The following SRGAP3 variants were observed in gnomAD, a reference collection of about 807,000 sequenced individuals.
SRGAP3 encodes SLIT-ROBO Rho GTPase-activating protein 3.
SRGAP3 carries 39 observed loss-of-function variants against 121.1 expected under a neutral mutation model. That is an observed-to-expected ratio of 0.32 (90% CI 0.25 to 0.42). The LOEUF (loss-of-function observed/expected upper bound fraction) is 0.42, where lower values mean the gene tolerates loss of function less well. Ranked by LOEUF, SRGAP3 falls within the 10% of genes least tolerant of loss-of-function variation. The pLI, the probability that SRGAP3 is intolerant of heterozygous loss-of-function variation, is 1.00. For synonymous variants in SRGAP3, 601 were observed against 570.0 expected (o/e 1.05, Z -0.77); for missense variants, 1,213 against 1,470.6 (o/e 0.82, Z 2.86).
intron 1 of SRGAP3, chr3:9,349,229 T>G (rs1021371001): frequency 1.6e-6 from 1 of 620,664 alleles, no homozygotes; most frequent in Non-Finnish European, 3.0e-6. Flanking sequence ...AGGAGCACCC[T>G]CCCTGCCCAT....
chr3:9,043,765 T>C (rs73146024), intron 10 of SRGAP3, among the ~76,000 whole-genome samples: 8,153 of 152,240 alleles, frequency 0.054, 759 homozygotes, highest in African/African-American at 0.19. Flanking sequence ...CTGGTGGCCA[T>C]TTTGCTCTGT....
intron 2 of SRGAP3, among the ~76,000 whole-genome samples, chr3:9,115,097 A>AGTT (rs1428972360): frequency 1.3e-5 from 2 of 152,084 alleles, no homozygotes; most frequent in African/African-American, 2.4e-5. Flanking sequence ...AAACTGGGTC[A>AGTT]GTTCTTTCAC....
chr3:9,342,926 G>A (rs1297613630), intron 1 of SRGAP3, among the ~76,000 whole-genome samples: 1 of 152,216 alleles, frequency 6.6e-6, no homozygotes, highest in Non-Finnish European at 1.5e-5. Flanking sequence ...CCTCGAACTT[G>A]TCCAACTGGT....
At chr3:8,992,033 C>G (rs989643025) in intron 20 of SRGAP3, among the ~76,000 whole-genome samples, 7 of 152,208 alleles carry the variant, frequency 4.6e-5, no homozygotes, top group African/African-American at 1.7e-4. Flanking sequence ...CTTCTCAATT[C>G]CACCACAGTG....
chr3:9,184,274 A>G (rs1195489481), intron 1 of SRGAP3, among the ~76,000 whole-genome samples: 1 of 152,178 alleles, frequency 6.6e-6, no homozygotes, highest in Non-Finnish European at 1.5e-5. Context: ...AACCTGCTTC[A>G]GTGAGTTAGA....
At chr3:9,339,583 G>C (rs1293214248) in intron 1 of SRGAP3, among the ~76,000 whole-genome samples, 1 of 152,204 alleles carries the variant, frequency 6.6e-6, no homozygotes, top group African/African-American at 2.4e-5. Context: ...TTAAAGGGTA[G>C]AGACCCAGTC....
intron 3 of SRGAP3, among the ~76,000 whole-genome samples, chr3:9,312,876 T>C (rs1574995103): frequency 6.6e-6 from 1 of 152,160 alleles, no homozygotes. Context: ...CATGCAGTCC[T>C]AGCTATTAAG....
At chr3:9,140,839 T>G (rs1949821128) in intron 1 of SRGAP3, among the ~76,000 whole-genome samples, 2 of 152,214 alleles carry the variant, frequency 1.3e-5, no homozygotes, top group African/African-American at 2.4e-5. Context: ...GGAGAGGCAG[T>G]AAACTTTTTT....
chr3:9,083,695 C>T (rs1947336893), intron 3 of SRGAP3, among the ~76,000 whole-genome samples: 2 of 152,226 alleles, frequency 1.3e-5, no homozygotes, highest in African/African-American at 2.4e-5. Context: ...TCCTTGTGTG[C>T]TGTCACTGTG....
chr3:9,100,941 C>T (rs965315405), intron 3 of SRGAP3, among the ~76,000 whole-genome samples: 3 of 152,198 alleles, frequency 2.0e-5, no homozygotes, highest in African/African-American at 7.2e-5. Flanking sequence ...ATGGAAGGAA[C>T]CTGGGACATC....
rs872156 is a variant in SRGAP3, at chr3:9,031,107, G to A, written c.1539+1543C>T. Among the ~76,000 whole-genome samples the A allele has an allele frequency of 5.7e-3, 865 of 152,186 alleles. 11 individuals are homozygous for A. Among genetic ancestry groups the A allele is most frequent in the Middle Eastern group, 0.037 (11 of 294 alleles). ...TAGGATTACAAGTGTGAGCCACTGC[G>A]CCTATCCTAAACTTGTTTCTGTGGG... On this transcript the variant is annotated intron_variant, in intron 12 of 21. Coordinates refer to ENST00000383836, the MANE Select transcript of SRGAP3 (RefSeq NM_014850.4).
intron 1 of SRGAP3, among the ~76,000 whole-genome samples, chr3:9,216,238 C>G (rs1952618949): frequency 6.6e-6 from 1 of 152,252 alleles, no homozygotes; most frequent in African/African-American, 2.4e-5. Context: ...CTAGAACACT[C>G]AGGCCCTGCC....
chr3:9,027,838 A>ATTCCCC (rs1353970741), intron 12 of SRGAP3, among the ~76,000 whole-genome samples: 2 of 152,256 alleles, frequency 1.3e-5, no homozygotes, highest in Non-Finnish European at 2.9e-5. Flanking sequence ...AAAGGGGCCA[A>ATTCCCC]ATCAAAGGCC....
chr3:9,257,038 G>A (rs541195038), intron 3 of SRGAP3: 2 of 394,718 alleles, frequency 5.1e-6, no homozygotes, highest in Non-Finnish European at 8.9e-6. Context: ...ATCTCCATCT[G>A]TCTACATTCT....
chr3:9,021,870 G>A (rs187852773), intron 14 of SRGAP3, among the ~76,000 whole-genome samples: 23 of 151,622 alleles, frequency 1.5e-4, no homozygotes, highest in Admixed American at 6.6e-4. Flanking sequence ...CGGGTGCGTC[G>A]CTTTGAGCCC....
intron 18 of SRGAP3, chr3:9,007,938 A>G (rs2125010011): frequency 6.6e-6 from 1 of 152,360 alleles, no homozygotes; most frequent in South Asian, 2.1e-4. Flanking sequence ...ATTTTCCACC[A>G]AAGAGTGCCC....
chr3:9,217,816 G>GA (rs1952683547), intron 1 of SRGAP3: 1 of 152,116 alleles, frequency 6.6e-6, no homozygotes, highest in Admixed American at 6.5e-5. Context: ...TGTGGCCTTT[G>GA]GACCTCGGTG....
rs144762823 is a variant in SRGAP3, at chr3:9,062,720, G to C, written c.672+1676C>G. Among the ~76,000 whole-genome samples, 680 of 152,232 alleles carry C rather than the reference G, an allele frequency of 4.5e-3. 3 individuals carry two copies. Among genetic ancestry groups the C allele is most frequent in the Non-Finnish European group, 6.8e-3 (464 of 68,030 alleles). Reference sequence around the variant, plus strand: ...TGTCAGTACTTCATTCCTTTTCATGGCTGAATAATATTCCATCACATGGAT... The same window carrying C: ...TGTCAGTACTTCATTCCTTTTCATGCCTGAATAATATTCCATCACATGGAT... On this transcript the variant is annotated intron_variant, in intron 5 of 21. Coordinates refer to ENST00000383836, the MANE Select transcript of SRGAP3 (RefSeq NM_014850.4).
chr3:9,069,501 T>C (rs992105391), intron 4 of SRGAP3, among the ~76,000 whole-genome samples: 2 of 152,064 alleles, frequency 1.3e-5, no homozygotes, highest in East Asian at 1.9e-4. Flanking sequence ...CCCTCCAGAC[T>C]CTATTCAGGG....
Sources: allele counts gnomAD v4.1 joint callset (sites outside exome capture counted in the v4.1 genomes callset), GRCh38; gene constraint gnomAD v4.1.1; transcripts MANE v1.5; gene names NCBI Gene and HGNC (gene_info 2026-07-23, HGNC 2026-07-21).